The following EPHX2 variants were observed in gnomAD, a reference collection of about 807,000 sequenced individuals.
EPHX2 encodes epoxide hydrolase 2.
EPHX2 carries 74 observed loss-of-function variants against 78.7 expected under a neutral mutation model. The ratio of observed to expected loss-of-function variants is 0.94; its 90% CI spans 0.78 to 1.14. The LOEUF (loss-of-function observed/expected upper bound fraction) is 1.14, where lower values mean the gene tolerates loss of function less well. Ranked by LOEUF, EPHX2 falls within the 50% of genes most tolerant of loss-of-function variation. The pLI is 0.00. For synonymous variants in EPHX2, 251 were observed against 255.2 expected (o/e 0.98, Z 0.16); for missense variants, 715 against 702.5 (o/e 1.02, Z -0.20).
intron 5 of EPHX2, 43 bp from the exon 6 acceptor site, chr8:27,511,793 G>A: frequency 6.3e-7 from 1 of 1,595,850 alleles, no homozygotes; most frequent in Non-Finnish European, 8.6e-7. Flanking sequence ...CTCACGGAAG[G>A]AGGCTGCTGC....
intron 9 of EPHX2, among the ~76,000 whole-genome samples, chr8:27,520,629 G>T (rs73556194): frequency 0.031 from 4,721 of 152,262 alleles, 236 homozygotes; most frequent in African/African-American, 0.1. Context: ...ACAGCCTTGA[G>T]CGACTGTGCC....
Position 27,516,341 on chromosome 8 carries a change from G to A in EPHX2, c.853G>A (p.Gly285Ser), listed in dbSNP as rs771540980. The A allele has an allele frequency of 6.2e-7, 1 of 1,614,074 alleles. No homozygotes were observed. Among genetic ancestry groups the A allele is most frequent in the Non-Finnish European group, 8.5e-7 (1 of 1,179,984 alleles). Reference sequence around the variant, plus strand: ...CTAGATCCCTGCTCTGGCCCAGGCAGGTTACCGGGTCCTAGCTATGGACAT... The same window carrying A: ...CTAGATCCCTGCTCTGGCCCAGGCAAGTTACCGGGTCCTAGCTATGGACAT... The part of the protein sequence containing the change: ...RYQIPALAQA[G>S]YRVLAMDMKG... Residue 285 changes from glycine (G) to serine (S), a missense_variant, in exon 8 of 19, where the codon GGT (glycine) becomes AGT (serine). Gly to Ser is a moderately conservative substitution (Grantham distance 56). Transcript: ENST00000521400.
intron 12 of EPHX2, among the ~76,000 whole-genome samples, chr8:27,526,388 C>T (rs1183785023): frequency 6.6e-6 from 1 of 152,244 alleles, no homozygotes; most frequent in Non-Finnish European, 1.5e-5. Flanking sequence ...CATGTCGCAT[C>T]CCACATACTA....
chr8:27,519,285 A>T (rs966261875), intron 9 of EPHX2, among the ~76,000 whole-genome samples: 1 of 152,242 alleles, frequency 6.6e-6, no homozygotes, highest in African/African-American at 2.4e-5. Context: ...GTTCAGCTAT[A>T]CAGAGGAATG....
chr8:27,548,448 A>G (rs565669771), downstream of EPHX2, among the ~76,000 whole-genome samples: 5 of 152,308 alleles, frequency 3.3e-5, no homozygotes, highest in African/African-American at 1.2e-4. Flanking sequence ...GCAATTGTAA[A>G]GTGTCAACTC....
intron 7 of EPHX2, 58 bp downstream of exon 7, chr8:27,515,871 T>C (rs1418730987): frequency 6.9e-7 from 1 of 1,459,278 alleles, no homozygotes; most frequent in Non-Finnish European, 9.6e-7. Context: ...GTCTAGATGG[T>C]GTGGTCCGAC....
chr8:27,538,618 C>T, intron 13 of EPHX2, 41 bp from the exon 14 acceptor site: 1 of 1,583,010 alleles, frequency 6.3e-7, no homozygotes, highest in Non-Finnish European at 8.7e-7. Context: ...CTTTGTATCA[C>T]CCATGACATC....
At chr8:27,534,946 A>C (rs190268433) in intron 12 of EPHX2, among the ~76,000 whole-genome samples, 7 of 152,292 alleles carry the variant, frequency 4.6e-5, no homozygotes, top group African/African-American at 1.4e-4. Flanking sequence ...AAACTAATAG[A>C]AGTCCATGCT....
intron 9 of EPHX2, among the ~76,000 whole-genome samples, chr8:27,520,495 C>T (rs1294749364): frequency 1.3e-5 from 2 of 151,964 alleles, no homozygotes; most frequent in Non-Finnish European, 2.9e-5. Flanking sequence ...TATAGGCGTG[C>T]ACCACCACAC....
chr8:27,527,288 T>C (rs190036745), intron 12 of EPHX2, among the ~76,000 whole-genome samples: 48 of 152,220 alleles, frequency 3.2e-4, no homozygotes, highest in Non-Finnish European at 5.7e-4. Context: ...GGTTTCAAAC[T>C]CCTGGGCTCA....
In EPHX2 at chr8:27,545,369, G is replaced by C. The variant is rs1225399012; in HGVS notation, c.*847G>C. On this transcript the variant is annotated 3_prime_UTR_variant, in exon 19 of 19. Transcript: ENST00000521400. ...CCTCTCCTGCCTCCTGTCACATCCG[G>C]TTAGGCTCCCATCTCACTGATGTGT... 1 of 152,250 alleles carries C rather than the reference G, an allele frequency of 6.6e-6. No homozygotes were observed. The highest frequency in any genetic ancestry group is 6.6e-5 in the Admixed American group (1 of 15,228). 9.4% of individuals were successfully genotyped at this position (152,250 alleles called of 1,614,324 possible).
At chr8:27,525,118 G>GCA (rs1814794645) in intron 11 of EPHX2, among the ~76,000 whole-genome samples, 3 of 151,248 alleles carry the variant, frequency 2.0e-5, no homozygotes, top group South Asian at 4.2e-4. Flanking sequence ...GCGCGCGCGC[G>GCA]CGCGCACCTA....
intron 4 of EPHX2, among the ~76,000 whole-genome samples, chr8:27,506,095 C>T (rs1488447884): frequency 3.3e-5 from 5 of 152,114 alleles, no homozygotes; most frequent in African/African-American, 4.8e-5. Flanking sequence ...CTCAAGTGAT[C>T]GTCCTGCCTC....
chr8:27,530,762 C>CTTTTTTTT (rs11343503), intron 12 of EPHX2, among the ~76,000 whole-genome samples: 1 of 127,362 alleles, frequency 7.9e-6, no homozygotes, highest in Non-Finnish European at 1.6e-5. Context: ...TAATTTTTTT[C>CTTTTTTTT]TTTTTTTTTT....
At chr8:27,523,320 A>G (rs1814715758) in intron 11 of EPHX2, among the ~76,000 whole-genome samples, 1 of 152,170 alleles carries the variant, frequency 6.6e-6, no homozygotes, top group Non-Finnish European at 1.5e-5. Context: ...CATGGTCCCC[A>G]CCATTTCATT....
intron 10 of EPHX2, 116 bp from the exon 11 acceptor site, chr8:27,522,307 T>G (rs1563353493): frequency 1.2e-6 from 1 of 850,550 alleles, no homozygotes; most frequent in Non-Finnish European, 1.9e-6. Context: ...TTTGGAGAGC[T>G]GCTGTGGGTC....
At chr8:27,500,870 A>G (rs1813739394) in intron 1 of EPHX2, 56 bp from the exon 2 acceptor site, 1 of 1,484,052 alleles carries the variant, frequency 6.7e-7, no homozygotes, top group Non-Finnish European at 9.4e-7. Flanking sequence ...GTCTGTTTCC[A>G]TGTGCTGCCA....
chr8:27,511,528 G>A (rs1221931667), intron 5 of EPHX2, among the ~76,000 whole-genome samples: 1 of 152,260 alleles, frequency 6.6e-6, no homozygotes, highest in Non-Finnish European at 1.5e-5. Flanking sequence ...CCAGCTGGAA[G>A]ATGGGGAGTT....
At chr8:27,496,977 G>A (rs921736687) in intron 1 of EPHX2, among the ~76,000 whole-genome samples, 2 of 152,180 alleles carry the variant, frequency 1.3e-5, no homozygotes, top group African/African-American at 4.8e-5. Flanking sequence ...AACAAGAAAG[G>A]TGTGTGAAAA....
Sources: gnomAD v4.1 joint callset for allele counts (sites outside exome capture counted in the v4.1 genomes callset) on GRCh38, gnomAD v4.1.1 for gene constraint, MANE v1.5 for transcripts, NCBI Gene and HGNC (gene_info 2026-07-23, HGNC 2026-07-21) for gene names.